The following NBEA variants were observed in gnomAD, a reference collection of about 807,000 sequenced individuals.
NBEA encodes lysosomal-trafficking regulator 2.
A neutral mutation model predicts 343.4 loss-of-function variants in NBEA; 44 were observed. That is an observed-to-expected ratio of 0.13 (90% CI 0.10 to 0.16). NBEA has a LOEUF of 0.16. Ranked by LOEUF, NBEA falls within the 10% of genes least tolerant of loss-of-function variation. NBEA has a pLI of 1.00. For synonymous variants in NBEA, 1,175 were observed against 1,238.7 expected (o/e 0.95, Z 1.08); for missense variants, 2,555 against 3,631.3 (o/e 0.70, Z 7.62).
chr13:35,348,024 C>T (rs528515379), intron 36 of NBEA, among the ~76,000 whole-genome samples: 24 of 152,268 alleles, frequency 1.6e-4, no homozygotes, highest in African/African-American at 5.5e-4. Flanking sequence ...CATAGCATCA[C>T]TTCTGCTGTA....
At chr13:35,571,923 A>T (rs145267046) in intron 45 of NBEA, among the ~76,000 whole-genome samples, 144 of 152,252 alleles carry the variant, frequency 9.5e-4, no homozygotes, top group African/African-American at 3.3e-3. Flanking sequence ...TGGCCCACTT[A>T]ATTGAACATT....
intron 1 of NBEA, among the ~76,000 whole-genome samples, chr13:34,988,586 G>A (rs1159673610): frequency 1.3e-5 from 2 of 151,072 alleles, no homozygotes; most frequent in South Asian, 2.1e-4. Context: ...CTCTGTGGGC[G>A]TGGGATCCGC....
chr13:34,995,832 A>G (rs1418888983), intron 1 of NBEA, among the ~76,000 whole-genome samples: 1 of 152,202 alleles, frequency 6.6e-6, no homozygotes, highest in Non-Finnish European at 1.5e-5. Context: ...GCCTCCTGCA[A>G]ATTTTATTTA....
intron 36 of NBEA, among the ~76,000 whole-genome samples, chr13:35,332,650 G>A (rs2038996111): frequency 6.6e-6 from 1 of 152,060 alleles, no homozygotes; most frequent in Admixed American, 6.6e-5. Flanking sequence ...AACACCAATG[G>A]AAAAGTGAAA....
chr13:35,621,895 A>C (rs1393548227), intron 48 of NBEA, among the ~76,000 whole-genome samples: 1 of 152,246 alleles, frequency 6.6e-6, no homozygotes, highest in African/African-American at 2.4e-5. Flanking sequence ...AGGATATAGT[A>C]TTAACTTTGG....
chr13:35,247,694 G>A (rs1457946654), intron 34 of NBEA, among the ~76,000 whole-genome samples: 2 of 151,966 alleles, frequency 1.3e-5, no homozygotes, highest in African/African-American at 2.4e-5. Context: ...GGATTCTCTC[G>A]GCTTTCTTGG....
chr13:35,437,979 C>G (rs2045532684), intron 39 of NBEA, among the ~76,000 whole-genome samples: 1 of 151,996 alleles, frequency 6.6e-6, no homozygotes, highest in African/African-American at 2.4e-5. Flanking sequence ...CTCTGTTGCC[C>G]TTTCATAAAA....
At chr13:35,618,015 G>T (rs1202153286) in intron 48 of NBEA, among the ~76,000 whole-genome samples, 1 of 151,950 alleles carries the variant, frequency 6.6e-6, no homozygotes, top group Non-Finnish European at 1.5e-5. Context: ...CTTTATATTG[G>T]CTGGGTAATT....
intron 36 of NBEA, among the ~76,000 whole-genome samples, chr13:35,330,483 G>A (rs1044091172): frequency 6.6e-6 from 1 of 151,974 alleles, no homozygotes; most frequent in Non-Finnish European, 1.5e-5. Context: ...ACAGGGAAGG[G>A]ATGGGTTTCA....
chr13:35,633,904 GT>G (rs2083581180), intron 49 of NBEA, among the ~76,000 whole-genome samples: 1 of 152,074 alleles, frequency 6.6e-6, no homozygotes. Context: ...AAAAGAAGCA[GT>G]TGTGGCTTTT....
intron 41 of NBEA, chr13:35,476,628 AGTGTGTGTCCGGGGTGAGTGTGC>A (rs1417895647): frequency 2.0e-6 from 1 of 503,634 alleles, no homozygotes; most frequent in Non-Finnish European, 3.6e-6. Context: ...AAGTGTGCTG[AGTGTGTGTCCGGGGTGAGTGTGC>A]GTGTGTATAT....
intron 17 of NBEA, among the ~76,000 whole-genome samples, chr13:35,139,846 C>G (rs1263021982): frequency 7.0e-6 from 1 of 143,154 alleles, no homozygotes; most frequent in Non-Finnish European, 1.5e-5. Flanking sequence ...GAAGTTGACT[C>G]ATCTCTACTG....
Position 35,312,086 on chromosome 13 carries a change from A to T in NBEA, c.5903+2494A>T, listed in dbSNP as rs575542113. The stretch of plus-strand genomic sequence containing the variant: ...CACCCACTACATGTCAAATACTGCT[A>T]TAAGAGTTAGGAATAGAGTTAGGAA... On this transcript the variant is annotated intron_variant, in intron 36 of 58. Coordinates refer to ENST00000379939, the MANE Select transcript of NBEA (RefSeq NM_001385012.1). Among the ~76,000 whole-genome samples the T allele has an allele frequency of 3.3e-5, 5 of 152,334 alleles. No homozygotes were observed. In the East Asian group the frequency reaches 9.6e-4, roughly 29 times the overall value.
chr13:35,571,730 A>G (rs968068530), intron 45 of NBEA, among the ~76,000 whole-genome samples: 5 of 92,440 alleles, frequency 5.4e-5, no homozygotes, highest in African/African-American at 1.5e-4. Flanking sequence ...ATTAAAAATT[A>G]ATGCCATTTA....
At chr13:35,357,690 A>G (rs1004588140) in intron 38 of NBEA, among the ~76,000 whole-genome samples, 4 of 152,136 alleles carry the variant, frequency 2.6e-5, no homozygotes, top group African/African-American at 9.7e-5. Flanking sequence ...TTCTTTATAG[A>G]GTCTATCATT....
At chr13:35,049,810 TC>T (rs1334269212) in intron 5 of NBEA, among the ~76,000 whole-genome samples, 1 of 151,826 alleles carries the variant, frequency 6.6e-6, no homozygotes, top group Admixed American at 6.6e-5. Flanking sequence ...CTTTGCTTGA[TC>T]AACTGTATCA....
chr13:35,587,728 C>G (rs1224026837), intron 46 of NBEA, among the ~76,000 whole-genome samples: 2 of 152,178 alleles, frequency 1.3e-5, no homozygotes, highest in African/African-American at 4.8e-5. Flanking sequence ...TTAACCTCAT[C>G]TATCCCTAAT....
chr13:35,516,625 T>C (rs1189203993), intron 41 of NBEA, among the ~76,000 whole-genome samples: 2 of 152,182 alleles, frequency 1.3e-5, no homozygotes, highest in Non-Finnish European at 2.9e-5. Context: ...ATTTTTTAAT[T>C]TGTTATTCAT....
At chr13:35,380,397 A>G (rs1169990773) in intron 38 of NBEA, among the ~76,000 whole-genome samples, 4 of 152,208 alleles carry the variant, frequency 2.6e-5, no homozygotes, top group African/African-American at 9.6e-5. Context: ...GTGAGCCAAG[A>G]TCACGCCACT....
Sources: allele counts gnomAD v4.1 joint callset (sites outside exome capture counted in the v4.1 genomes callset), GRCh38; gene constraint gnomAD v4.1.1; transcripts MANE v1.5; gene names NCBI Gene and HGNC (gene_info 2026-07-23, HGNC 2026-07-21).